Variants in ARAP2 observed in about 807,000 individuals in gnomAD.
The protein encoded by ARAP2 is ArfGAP with RhoGAP domain, ankyrin repeat and PH domain 2.
In ARAP2, 148 loss-of-function variants were observed where a neutral mutation model predicts 194.5. The observed-to-expected ratio is 0.76, with a 90% CI of 0.67 to 0.87. The LOEUF is 0.87. Ranked by LOEUF, ARAP2 falls within the 40% of genes least tolerant of loss-of-function variation. The pLI is 0.00. For synonymous variants in ARAP2, 695 were observed against 683.5 expected (o/e 1.02, Z -0.26); for missense variants, 2,128 against 1,989.7 (o/e 1.07, Z -1.32).
In ARAP2 at chr4:36,146,930, C is replaced by T. The variant is rs112056068; in HGVS notation, c.3263+366G>A. Among the ~76,000 whole-genome samples the T allele has an allele frequency of 3.3e-3, 498 of 151,962 alleles. 7 individuals are homozygous for T. Among genetic ancestry groups the T allele is most frequent in the African/African-American group, 0.011 (453 of 41,466 alleles). ...AATCAAGTTTTAGCTATGCATGACC[C>T]ACATGCATAGATAATTCAGAATATA... On this transcript the variant is annotated intron_variant, in intron 19 of 32. Transcript: ENST00000303965.
At position 36,122,573 on chromosome 4, in the gene ARAP2, A is replaced by G. The variant is rs1321493296; in HGVS notation, c.3747-1247T>C. ...AGTGGGAGCTAAATGATGAGAATAC[A>G]TAGCAAACAACATACACTGGGGCCT... is the stretch of plus-strand genomic sequence containing the variant. On this transcript the variant is annotated intron_variant, in intron 22 of 32. Transcript: ENST00000303965. 4.6e-5 allele frequency among the ~76,000 whole-genome samples: 7 copies of G among 151,736 alleles called. No homozygotes were observed. The East Asian group carries it at 1.2e-3, about 25-fold the overall frequency.
chr4:36,108,724 G>A (rs16991935), intron 26 of ARAP2, among the ~76,000 whole-genome samples: 1 of 151,938 alleles, frequency 6.6e-6, no homozygotes, highest in Non-Finnish European at 1.5e-5. Context: ...TCACAGAAAA[G>A]TTTTTGATGA....
At chr4:36,070,316 A>G (rs1043675112) in intron 32 of ARAP2, among the ~76,000 whole-genome samples, 1 of 152,200 alleles carries the variant, frequency 6.6e-6, no homozygotes, top group African/African-American at 2.4e-5. Flanking sequence ...GTGCATAGAC[A>G]ATGGGGAAAG....
intron 2 of ARAP2, among the ~76,000 whole-genome samples, chr4:36,223,978 C>T (rs558162432): frequency 7.9e-4 from 120 of 151,542 alleles, no homozygotes; most frequent in Non-Finnish European, 1.5e-3. Context: ...GTTTAAAGAA[C>T]CTTAATATAA....
intron 6 of ARAP2, among the ~76,000 whole-genome samples, chr4:36,016,386 G>T (rs151017082): frequency 6.6e-6 from 1 of 152,060 alleles, no homozygotes; most frequent in Admixed American, 6.6e-5. Context: ...TGTGTTTAAC[G>T]TGTTGCTTCT....
At chr4:36,178,107 A>G in intron 8 of ARAP2, 102 bp from the exon 9 acceptor site, 1 of 1,023,734 alleles carries the variant, frequency 9.8e-7, no homozygotes, top group Non-Finnish European at 1.4e-6. Flanking sequence ...CATAAGTGAC[A>G]GATTCTTTCC....
At chr4:36,058,838 T>G (rs571444592) in intron 1 of ARAP2, among the ~76,000 whole-genome samples, 1 of 152,240 alleles carries the variant, frequency 6.6e-6, no homozygotes, top group African/African-American at 2.4e-5. Flanking sequence ...AATTATCAGG[T>G]GGTGATAAGC....
chr4:36,066,577 A>G lies in ARAP2; in HGVS notation c.*1330T>C, dbSNP rs1298220424. On this transcript the variant is annotated 3_prime_UTR_variant, in exon 33 of 33. Transcript: ENST00000303965. Reference sequence around the variant, plus strand: ...AAAATAAAAAAGAAATGCTAAAAAAAAAAAACTTAGCTACATAATGTTTAA... The same window carrying G: ...AAAATAAAAAAGAAATGCTAAAAAAGAAAAACTTAGCTACATAATGTTTAA... 1 of 152,106 alleles carries G rather than the reference A, an allele frequency of 6.6e-6. No homozygotes were observed. Among genetic ancestry groups the G allele is most frequent in the African/African-American group, 2.4e-5 (1 of 41,440 alleles). 9.4% of individuals were successfully genotyped at this position (152,106 alleles called of 1,614,324 possible).
intron 32 of ARAP2, among the ~76,000 whole-genome samples, chr4:36,070,559 GA>G (rs1481288928): frequency 1.6e-4 from 24 of 152,172 alleles, no homozygotes; most frequent in Admixed American, 1.2e-3. Context: ...ATCATAGCTA[GA>G]GAATGGTATA....
intron 9 of ARAP2, among the ~76,000 whole-genome samples, chr4:36,177,502 G>A (rs1415919107): frequency 6.6e-6 from 1 of 152,036 alleles, no homozygotes; most frequent in Non-Finnish European, 1.5e-5. Context: ...AGCTGTAAGG[G>A]TTCATTGGTC....
chr4:36,210,458 A>G lies in ARAP2; in HGVS notation c.1419T>C (p.Tyr473=), dbSNP rs773818550. ...SAVSSQAISP[Y]ACFYGASAKK... Reference sequence around the variant, plus strand: ...TTGCAGATGCTCCATAAAAGCAGGCATAGGGAGATATTGCCTGTGAAGAAA... The same window carrying G: ...TTGCAGATGCTCCATAAAAGCAGGCGTAGGGAGATATTGCCTGTGAAGAAA... The change falls in exon 6 of 33, where the codon TAT becomes TAC. Residue 473 remains tyrosine, a synonymous_variant. Transcript: ENST00000303965. 6.2e-7 allele frequency: 1 copy of G among 1,613,834 alleles called. No individual in the cohort carries two copies. The highest frequency in any genetic ancestry group is 8.5e-7 in the Non-Finnish European group (1 of 1,179,860).
At chr4:36,185,547 T>C (rs575136829) in intron 8 of ARAP2, among the ~76,000 whole-genome samples, 54 of 152,196 alleles carry the variant, frequency 3.5e-4, no homozygotes, top group South Asian at 6.2e-4. Context: ...ATAATATTTA[T>C]TGACTGCTTT....
At chr4:36,122,900 A>C (rs1466051205) in intron 22 of ARAP2, among the ~76,000 whole-genome samples, 1 of 151,830 alleles carries the variant, frequency 6.6e-6, no homozygotes, top group Non-Finnish European at 1.5e-5. Flanking sequence ...GAATGTAGTA[A>C]GACTAAGCTA....
chr4:36,224,535 T>G (rs114008423), intron 2 of ARAP2, among the ~76,000 whole-genome samples: 18 of 152,184 alleles, frequency 1.2e-4, no homozygotes, highest in African/African-American at 4.3e-4. Context: ...AACACATAAG[T>G]TTACAACATC....
intron 14 of ARAP2, among the ~76,000 whole-genome samples, 153 bp downstream of exon 14, chr4:36,159,178 T>C (rs1048267457): frequency 3.3e-5 from 5 of 152,200 alleles, no homozygotes; most frequent in Admixed American, 6.5e-5. Context: ...TGAAATGATA[T>C]AAAAAATAGT....
intron 9 of ARAP2, among the ~76,000 whole-genome samples, chr4:36,176,657 T>C (rs1236112490): frequency 1.3e-5 from 2 of 152,162 alleles, no homozygotes; most frequent in East Asian, 1.9e-4. Flanking sequence ...GAAATGTTCA[T>C]ATTCAATTTG....
intron 6 of ARAP2, among the ~76,000 whole-genome samples, chr4:36,203,506 C>A (rs989892242): frequency 2.0e-5 from 3 of 152,094 alleles, no homozygotes; most frequent in Non-Finnish European, 2.9e-5. Flanking sequence ...ATTGCTTGAA[C>A]CTGGGAGGTG....
Position 36,067,891 on chromosome 4 carries a change from C to G in ARAP2, c.*16G>C. On this transcript the variant is annotated 3_prime_UTR_variant, in exon 33 of 33. Coordinates refer to ENST00000303965, the MANE Select transcript of ARAP2 (RefSeq NM_015230.4). ...AATATTAAAAAAATAATCTGGGGAG[C>G]AATTCATTTTATTTCCTACTTCAAA... is the stretch of plus-strand genomic sequence containing the variant. 6.5e-7 allele frequency: 1 copy of G among 1,547,658 alleles called. No homozygotes were observed. The highest frequency in any genetic ancestry group is 8.7e-7 in the Non-Finnish European group (1 of 1,146,566).
intron 28 of ARAP2, among the ~76,000 whole-genome samples, chr4:36,085,688 T>C (rs1414879497): frequency 1.3e-5 from 2 of 152,140 alleles, no homozygotes; most frequent in African/African-American, 2.4e-5. Flanking sequence ...ATTTATCCTT[T>C]GAGGTGAATT....
Sources: allele counts gnomAD v4.1 joint callset (sites outside exome capture counted in the v4.1 genomes callset), GRCh38; gene constraint gnomAD v4.1.1; transcripts MANE v1.5; gene names NCBI Gene and HGNC (gene_info 2026-07-23, HGNC 2026-07-21).